Variants in AIG1 observed in about 807,000 individuals in gnomAD.
The protein encoded by AIG1 is androgen induced 1.
In AIG1, 23 loss-of-function variants were observed where a neutral mutation model predicts 31.4. That is an observed-to-expected ratio of 0.73 (90% confidence interval 0.53 to 1.04). The LOEUF is 1.04. AIG1 is among the 50% of genes least tolerant of loss of function. AIG1 has a pLI of 0.00. For missense variants in AIG1, 274 were observed against 295.0 expected, an observed-to-expected ratio of 0.93 and a Z score of 0.52; for synonymous variants, 100 against 110.5, an observed-to-expected ratio of 0.90 and a Z score of 0.60.
intron 3 of AIG1, among the ~76,000 whole-genome samples, chr6:143,182,468 C>T (rs1429280914): frequency 6.6e-6 from 1 of 152,148 alleles, no homozygotes; most frequent in Non-Finnish European, 1.5e-5. Context: ...CACTTCTCTT[C>T]TTGGACTGTG....
Position 143,284,059 on chromosome 6 carries a change from T to C in AIG1, c.400-51T>C. Reference sequence around the variant, plus strand: ...TCTCCTACTGGTGAAAAAACAACTATAGAGAGACAATGATAGCAATCTGTG... The same window carrying C: ...TCTCCTACTGGTGAAAAAACAACTACAGAGAGACAATGATAGCAATCTGTG... On this transcript the variant is annotated intron_variant, in intron 3 of 5. Transcript: ENST00000357847. The surrounding 1 kb of genome is among the most constrained non-coding windows in gnomAD (Gnocchi z 4.4). 1.4e-6 allele frequency: 2 copies of C among 1,394,464 alleles called. No homozygotes were observed. The highest frequency in any genetic ancestry group is 1.0e-6 in the Non-Finnish European group (1 of 985,106). 86.4% of individuals were successfully genotyped at this position (1,394,464 alleles called of 1,614,324 possible).
At chr6:143,174,632 G>T (rs1787963447) in intron 3 of AIG1, among the ~76,000 whole-genome samples, 1 of 152,064 alleles carries the variant, frequency 6.6e-6, no homozygotes, top group African/African-American at 2.4e-5. Context: ...CAGATACTTG[G>T]TTGGTTAATT....
intron 3 of AIG1, among the ~76,000 whole-genome samples, chr6:143,198,491 T>C (rs1391160305): frequency 6.6e-6 from 1 of 152,216 alleles, no homozygotes; most frequent in Non-Finnish European, 1.5e-5. Context: ...AAAACTGACA[T>C]TGTTGAGTTT....
chr6:143,283,149 G>A (rs896161009), intron 3 of AIG1, among the ~76,000 whole-genome samples: 1 of 152,094 alleles, frequency 6.6e-6, no homozygotes, highest in African/African-American at 2.4e-5. Flanking sequence ...TCAAAACCAA[G>A]GGCATTTGAA....
At chr6:143,218,053 C>T (rs1792171767) in intron 3 of AIG1, among the ~76,000 whole-genome samples, 1 of 152,214 alleles carries the variant, frequency 6.6e-6, no homozygotes, top group Non-Finnish European at 1.5e-5. Context: ...TTCTCATTTG[C>T]GTGTTGCTAA....
chr6:143,308,415 G>T (rs1365757985), intron 4 of AIG1, among the ~76,000 whole-genome samples: 1 of 152,206 alleles, frequency 6.6e-6, no homozygotes, highest in Non-Finnish European at 1.5e-5. Context: ...AACAGCTTTG[G>T]ATTTTTGTTA....
At chr6:143,138,717 C>A (rs1453671631) in intron 2 of AIG1, among the ~76,000 whole-genome samples, 1 of 151,724 alleles carries the variant, frequency 6.6e-6, no homozygotes, top group Non-Finnish European at 1.5e-5. Context: ...CACAGTGAAA[C>A]CCCATCTCTA....
At chr6:143,283,247 G>A (rs1797469341) in intron 3 of AIG1, among the ~76,000 whole-genome samples, 1 of 152,160 alleles carries the variant, frequency 6.6e-6, no homozygotes, top group Admixed American at 6.5e-5. Context: ...AATAAACTTA[G>A]TGTCTAGAGT....
chr6:143,271,035 C>T (rs572718501), intron 3 of AIG1, among the ~76,000 whole-genome samples: 12 of 152,300 alleles, frequency 7.9e-5, no homozygotes, highest in African/African-American at 1.9e-4. Context: ...TCTCTGCTTT[C>T]GATTACACTC....
chr6:143,165,667 C>T (rs1179176467), intron 3 of AIG1, among the ~76,000 whole-genome samples: 4 of 152,162 alleles, frequency 2.6e-5, no homozygotes, highest in African/African-American at 9.7e-5. Context: ...CTGCTGCAGG[C>T]ATTTGGAAGT....
chr6:143,108,514 G>C (rs1410185017), intron 1 of AIG1, among the ~76,000 whole-genome samples: 2 of 152,190 alleles, frequency 1.3e-5, no homozygotes, highest in African/African-American at 4.8e-5. Flanking sequence ...AGGGCAGTTT[G>C]CAGCTCAGAG....
At chr6:143,251,823 G>T (rs945473125) in intron 3 of AIG1, among the ~76,000 whole-genome samples, 1 of 152,156 alleles carries the variant, frequency 6.6e-6, no homozygotes, top group African/African-American at 2.4e-5. Flanking sequence ...GGATAAGAAA[G>T]ACAATCTGCC....
chr6:143,149,302 G>T (rs367991098), intron 2 of AIG1, among the ~76,000 whole-genome samples: 1 of 151,926 alleles, frequency 6.6e-6, no homozygotes, highest in East Asian at 1.9e-4. Flanking sequence ...TGAGGCAGGC[G>T]GATCACAAGG....
In AIG1 at chr6:143,299,685, A is replaced by T. The variant is rs1308856628; in HGVS notation, c.515+15460A>T. 1 of 152,238 alleles carries T rather than the reference A, an allele frequency of 6.6e-6. No individual in the cohort carries two copies. The highest frequency in any genetic ancestry group is 2.4e-5 in the African/African-American group (1 of 41,452). The allele number at this position is 152,238 out of a possible 1,614,324, so 9.4% of individuals were successfully genotyped here. On this transcript the variant is annotated intron_variant, in intron 4 of 5. Transcript: ENST00000357847. This position sits in a 1 kb window ranked among gnomAD's most constrained non-coding sequence, Gnocchi z 4.1. ...ATGATGCTGCACAGTCATGTAATTT[A>T]TGACACACAAAACTCTTCAACAGTA...
At chr6:143,131,938 G>A (rs898606453) in intron 1 of AIG1, among the ~76,000 whole-genome samples, 1 of 152,138 alleles carries the variant, frequency 6.6e-6, no homozygotes, top group African/African-American at 2.4e-5. Context: ...CTATTCTTTT[G>A]ATGGTTGCTC....
intron 3 of AIG1, among the ~76,000 whole-genome samples, chr6:143,170,178 G>C (rs879291548): frequency 9.9e-5 from 15 of 151,978 alleles, no homozygotes; most frequent in Non-Finnish European, 1.9e-4. Context: ...GTTCTTCTTT[G>C]TAAGTTTGGT....
At position 143,258,886 on chromosome 6, in the gene AIG1, A is replaced by T. The variant is rs993017951; in HGVS notation, c.400-25224A>T. Among the ~76,000 whole-genome samples the T allele has an allele frequency of 6.6e-6, 1 of 152,210 alleles. No homozygotes were observed. Among genetic ancestry groups the T allele is most frequent in the Non-Finnish European group, 1.5e-5 (1 of 68,040 alleles). ...CTCGTGCAGGAATGGATTAGTTACC[A>T]TGAGAGCAGTCAGACTCTTTTTAAC... On this transcript the variant is annotated intron_variant, in intron 3 of 5. Transcript: ENST00000357847. This position sits in a 1 kb window ranked among gnomAD's most constrained non-coding sequence, Gnocchi z 4.7.
At chr6:143,214,260 C>T (rs530228052) in intron 3 of AIG1, among the ~76,000 whole-genome samples, 15 of 152,304 alleles carry the variant, frequency 9.8e-5, no homozygotes, top group African/African-American at 1.9e-4. Context: ...TTGCTCTCAA[C>T]GTGCAGCAGA....
rs561285243 is a variant in AIG1, at chr6:143,117,421, T to C, written c.142-19414T>C. On this transcript the variant is annotated intron_variant, in intron 1 of 5. Transcript: ENST00000357847. ...GTGCACAGGGTCAGATTATGGAGGT[T>C]ATTTTTAAAGATAGAGCCAACAGGA... Among the ~76,000 whole-genome samples, 3 of 152,276 alleles carry C rather than the reference T, an allele frequency of 2.0e-5. No homozygotes were observed. In the South Asian group the frequency reaches 6.2e-4, roughly 32 times the overall value.
Sources: allele counts gnomAD v4.1 joint callset (sites outside exome capture counted in the v4.1 genomes callset), GRCh38; gene constraint gnomAD v4.1.1; non-coding constraint Gnocchi (gnomAD v3.1); transcripts MANE v1.5; gene names NCBI Gene and HGNC (gene_info 2026-07-23, HGNC 2026-07-21).